Variants in ADGRL3 observed in about 807,000 individuals in gnomAD.
ADGRL3 encodes the protein calcium-independent alpha-latrotoxin receptor 3.
A neutral mutation model predicts 153.5 loss-of-function variants in ADGRL3; 62 were observed. The ratio of observed to expected loss-of-function variants is 0.40; its 90% CI spans 0.33 to 0.50. ADGRL3 has a LOEUF of 0.50. Among genes scored for constraint, ADGRL3 ranks in the 20% least tolerant of loss-of-function variants. ADGRL3 has a pLI of 0.47. For missense variants in ADGRL3, 1,641 were observed against 1,859.4 expected (o/e 0.88, Z 2.16); for synonymous variants, 710 against 672.5 (o/e 1.06, Z -0.86).
rs1433991736 is a variant in ADGRL3 at position 61,844,566 on chromosome 4, AAAAAAAAAAATATAT to A, written c.1480+30679_1480+30693del. Reference sequence around the variant, plus strand: ...CATCTCAAAAAAAAAAAAAAAAAAAAAAAAAAAAAATATATATATATATATATATATTTACTTTAT... The same window carrying A: ...CATCTCAAAAAAAAAAAAAAAAAAAAATATATATATATATATTTACTTTAT... On this transcript the variant is annotated intron_variant, in intron 9 of 26. Transcript: ENST00000683033. Among the ~76,000 whole-genome samples the A allele has an allele frequency of 7.4e-5, 6 of 81,188 alleles. No individual in the cohort carries two copies. The East Asian group carries it at 1.7e-3, about 23-fold the overall frequency. The allele number at this position is 81,188 out of a possible 152,430, so 53.3% of individuals were successfully genotyped here.
At chr4:61,972,909 G>A (rs980756957) in intron 17 of ADGRL3, among the ~76,000 whole-genome samples, 1 of 151,778 alleles carries the variant, frequency 6.6e-6, no homozygotes, top group Non-Finnish European at 1.5e-5. Context: ...AGTAAAACAG[G>A]TTCTTGATAA....
rs569077099 is a variant in ADGRL3, at chr4:61,311,494, G to A, written c.-239-71630G>A. ...AGGAAGAAGAAACAATGTGATGAACGGGCTACACTGTCTCTGCCATAGTTA... is the reference window on the plus strand; with the variant it reads ...AGGAAGAAGAAACAATGTGATGAACAGGCTACACTGTCTCTGCCATAGTTA... On this transcript the variant is annotated intron_variant, in intron 1 of 26. Transcript: ENST00000683033. Among the ~76,000 whole-genome samples, 83 of 152,244 alleles carry A rather than the reference G, an allele frequency of 5.5e-4. 3 individuals are homozygous for A. The South Asian group carries it at 0.011, about 20-fold the overall frequency.
intron 9 of ADGRL3, among the ~76,000 whole-genome samples, chr4:61,859,971 A>G (rs1247218511): frequency 6.6e-6 from 1 of 152,170 alleles, no homozygotes; most frequent in Admixed American, 6.5e-5. Context: ...CAAAATAACA[A>G]CACTATACTA....
intron 19 of ADGRL3, among the ~76,000 whole-genome samples, chr4:61,995,227 A>G (rs1412668378): frequency 6.6e-6 from 1 of 151,044 alleles, no homozygotes; most frequent in Non-Finnish European, 1.5e-5. Flanking sequence ...TTTTAATCCT[A>G]TTGACATACG....
At chr4:61,546,870 C>T (rs575043994) in intron 4 of ADGRL3, among the ~76,000 whole-genome samples, 2 of 152,288 alleles carry the variant, frequency 1.3e-5, no homozygotes, top group African/African-American at 4.8e-5. Flanking sequence ...CACTGATGAA[C>T]AAGTGAAGTT....
At chr4:62,004,178 G>T (rs929431180) in intron 21 of ADGRL3, among the ~76,000 whole-genome samples, 1 of 151,844 alleles carries the variant, frequency 6.6e-6, no homozygotes, top group Non-Finnish European at 1.5e-5. Context: ...CAACAATATC[G>T]CAAGAATATT....
At chr4:61,365,707 G>T (rs1217550249) in intron 1 of ADGRL3, among the ~76,000 whole-genome samples, 1 of 152,216 alleles carries the variant, frequency 6.6e-6, no homozygotes, top group Non-Finnish European at 1.5e-5. Context: ...CCTGCCTAAA[G>T]CATATAGCAC....
intron 2 of ADGRL3, among the ~76,000 whole-genome samples, chr4:61,489,146 C>A (rs1237723132): frequency 2.0e-5 from 3 of 151,810 alleles, no homozygotes; most frequent in African/African-American, 7.3e-5. Flanking sequence ...CCTTAAACCA[C>A]CTGGTAAAAT....
At chr4:61,928,449 T>C (rs1053139171) in intron 13 of ADGRL3, among the ~76,000 whole-genome samples, 1 of 152,100 alleles carries the variant, frequency 6.6e-6, no homozygotes, top group Non-Finnish European at 1.5e-5. Flanking sequence ...ATGCTGTGGG[T>C]TTCTAGATCT....
chr4:61,594,016 G>A (rs570652096), intron 5 of ADGRL3, among the ~76,000 whole-genome samples: 9 of 152,068 alleles, frequency 5.9e-5, no homozygotes, highest in African/African-American at 1.4e-4. Flanking sequence ...TCCTCTGATT[G>A]TGTATTTTCA....
At chr4:61,558,366 A>T (rs945300412) in intron 4 of ADGRL3, among the ~76,000 whole-genome samples, 2 of 151,490 alleles carry the variant, frequency 1.3e-5, no homozygotes, top group African/African-American at 4.8e-5. Context: ...TGCTCATTTT[A>T]GTGGCCAAAT....
chr4:61,486,221 G>C (rs546961392), intron 2 of ADGRL3, among the ~76,000 whole-genome samples: 5 of 152,060 alleles, frequency 3.3e-5, no homozygotes, highest in Non-Finnish European at 7.4e-5. Flanking sequence ...TGGGATTACA[G>C]GTGTGAGCCA....
chr4:61,264,583 C>T (rs993808201), intron 1 of ADGRL3, among the ~76,000 whole-genome samples: 15 of 152,070 alleles, frequency 9.9e-5, no homozygotes, highest in African/African-American at 2.6e-4. Context: ...AAAGTAAAAC[C>T]AGTGTATATT....
At chr4:61,257,826 T>C (rs2092123642) in intron 1 of ADGRL3, among the ~76,000 whole-genome samples, 1 of 147,424 alleles carries the variant, frequency 6.8e-6, no homozygotes, top group Non-Finnish European at 1.5e-5. Context: ...TTTCGCTTAA[T>C]TGAATTAGAG....
intron 15 of ADGRL3, among the ~76,000 whole-genome samples, chr4:61,939,217 G>A (rs565483604): frequency 7.2e-4 from 109 of 152,222 alleles, no homozygotes; most frequent in African/African-American, 2.5e-3. Flanking sequence ...GTGAATTCTT[G>A]TGTGTTTTCC....
At chr4:61,359,589 C>A (rs1021518949) in intron 1 of ADGRL3, among the ~76,000 whole-genome samples, 3 of 152,158 alleles carry the variant, frequency 2.0e-5, no homozygotes, top group African/African-American at 7.2e-5. Context: ...ACATAGCTTC[C>A]TACCAGTTAC....
intron 1 of ADGRL3, among the ~76,000 whole-genome samples, chr4:61,298,335 C>T (rs1342206592): frequency 1.3e-5 from 2 of 152,110 alleles, no homozygotes; most frequent in African/African-American, 4.8e-5. Flanking sequence ...TGTTAACCAG[C>T]CTACGTTTGT....
At chr4:61,775,129 G>C (rs2097132474) in intron 8 of ADGRL3, among the ~76,000 whole-genome samples, 1 of 152,018 alleles carries the variant, frequency 6.6e-6, no homozygotes, top group African/African-American at 2.4e-5. Flanking sequence ...ATATTTTGGG[G>C]CAGCATATTC....
In ADGRL3 at chr4:61,998,271, T is replaced by C; in HGVS notation, c.3395+6T>C. 6.7e-7 allele frequency: 1 copy of C among 1,485,102 alleles called. No homozygotes were observed. The highest frequency in any genetic ancestry group is 1.3e-5 in the South Asian group (1 of 79,296). 92.0% of individuals were successfully genotyped at this position (1,485,102 alleles called of 1,614,324 possible). On this transcript the variant is annotated splice_donor_region_variant and intron_variant, in intron 21 of 26. Coordinates refer to ENST00000683033, the MANE Select transcript of ADGRL3 (RefSeq NM_001387552.1). ...GGCTGTCTTGATAACATCAAGTAAG[T>C]GATTTTTATTTTTGTTTTCTATAGG...
Sources: allele counts gnomAD v4.1 joint callset (sites outside exome capture counted in the v4.1 genomes callset), GRCh38; gene constraint gnomAD v4.1.1; transcripts MANE v1.5; gene names NCBI Gene and HGNC (gene_info 2026-07-23, HGNC 2026-07-21).